Variants in PCDH15 observed in about 807,000 individuals in gnomAD.
The protein encoded by PCDH15 is protocadherin-15.
A neutral mutation model predicts 178.5 loss-of-function variants in PCDH15; 129 were observed. The observed-to-expected ratio is 0.72, with a 90% CI of 0.63 to 0.84. The LOEUF is 0.84. Ranked by LOEUF, PCDH15 falls within the 40% of genes least tolerant of loss-of-function variation. The pLI, the probability that PCDH15 is intolerant of heterozygous loss-of-function variation, is 0.00. For missense variants in PCDH15, 2,230 were observed against 2,099.9 expected (o/e 1.06, Z -1.21); for synonymous variants, 800 against 732.0 (o/e 1.09, Z -1.50).
At chr10:54,828,370 G>A (rs1953164740) in intron 3 of PCDH15, among the ~76,000 whole-genome samples, 1 of 151,852 alleles carries the variant, frequency 6.6e-6, no homozygotes, top group Non-Finnish European at 1.5e-5. Flanking sequence ...GTAAAATCAA[G>A]CTTTTTTATT....
chr10:54,138,691 A>T lies in PCDH15; in HGVS notation c.1785-5684T>A, dbSNP rs1441502071. 2.0e-5 allele frequency among the ~76,000 whole-genome samples: 3 copies of T among 152,100 alleles called. No individual in the cohort carries two copies. The East Asian group carries it at 5.8e-4, about 29-fold the overall frequency. On this transcript the variant is annotated intron_variant, in intron 14 of 37. Transcript: ENST00000644397. ...TGTTCTTTGGAGTCTGGGGAGGTTT[A>T]GCCTTTAAAAAGCAAATTGCCATGA...
chr10:55,217,429 A>G (rs911966129), intron 1 of PCDH15, among the ~76,000 whole-genome samples: 4 of 151,840 alleles, frequency 2.6e-5, no homozygotes, highest in African/African-American at 9.7e-5. Flanking sequence ...AAACCTTCGT[A>G]TTTTTATGTT....
At chr10:53,996,621 C>G (rs759970085) in intron 20 of PCDH15, among the ~76,000 whole-genome samples, 47 of 152,100 alleles carry the variant, frequency 3.1e-4, no homozygotes, top group Non-Finnish European at 2.8e-4. Context: ...CTAAATTAAT[C>G]TACTTATCAG....
intron 1 of PCDH15, among the ~76,000 whole-genome samples, chr10:54,761,683 AAAAAC>A (rs71014416): frequency 0.085 from 12,790 of 149,764 alleles, 618 homozygotes; most frequent in South Asian, 0.13. Context: ...ACTCTGTCTC[AAAAAC>A]AAAACAAAAC....
At chr10:55,142,762 C>A (rs1276155113) in intron 2 of PCDH15, among the ~76,000 whole-genome samples, 1 of 151,442 alleles carries the variant, frequency 6.6e-6, no homozygotes, top group African/African-American at 2.4e-5. Context: ...TCTTATTTTT[C>A]AACCCTCTGA....
intron 2 of PCDH15, among the ~76,000 whole-genome samples, chr10:54,950,242 C>A (rs1237164699): frequency 1.3e-5 from 2 of 151,932 alleles, no homozygotes; most frequent in Non-Finnish European, 2.9e-5. Context: ...AAGGGGGAAG[C>A]AAGGCATCTT....
intron 2 of PCDH15, among the ~76,000 whole-genome samples, chr10:55,140,633 A>C (rs6481144): frequency 0.89 from 135,068 of 151,938 alleles, 61,046 homozygotes; most frequent in Non-Finnish European, 0.97. Flanking sequence ...CTTATTCATT[A>C]AATGAAATTG....
chr10:53,825,223 A>G (rs1356725848), intron 32 of PCDH15: 2 of 1,438,126 alleles, frequency 1.4e-6, no homozygotes, highest in Non-Finnish European at 1.8e-6. Flanking sequence ...AACAATTCTG[A>G]AAATATGAGC....
intron 13 of PCDH15, among the ~76,000 whole-genome samples, chr10:54,178,823 A>G (rs931646641): frequency 1.4e-4 from 21 of 152,202 alleles, no homozygotes; most frequent in Admixed American, 2.0e-4. Context: ...AAAAATGCTC[A>G]TCATCACTGG....
intron 3 of PCDH15, among the ~76,000 whole-genome samples, chr10:54,484,703 T>TA (rs2078975392): frequency 6.6e-6 from 1 of 151,562 alleles, no homozygotes; most frequent in Admixed American, 6.6e-5. Flanking sequence ...TTAAAATCAA[T>TA]AAAAAAGTAT....
chr10:54,930,871 A>G, intron 2 of PCDH15, among the ~76,000 whole-genome samples: 1 of 152,296 alleles, frequency 6.6e-6, no homozygotes, highest in Non-Finnish European at 1.5e-5. Flanking sequence ...GACATACGTA[A>G]TCAATTACAT....
rs577984918 is a variant in PCDH15, at chr10:53,958,745, C to G, written c.3122+987G>C. Among the ~76,000 whole-genome samples the G allele has an allele frequency of 3.8e-3, 574 of 152,146 alleles. 1 individual carries two copies. Among genetic ancestry groups the G allele is most frequent in the Non-Finnish European group, 5.5e-3 (373 of 67,988 alleles). ...CCTGTAATCCCAGCACTTTGGGAGG[C>G]TGAGGCAGGTGGATCAGGAGGTCAG... On this transcript the variant is annotated intron_variant, in intron 23 of 37. Transcript: ENST00000644397.
chr10:54,790,986 C>G (rs766147559), intron 1 of PCDH15, among the ~76,000 whole-genome samples: 1 of 151,758 alleles, frequency 6.6e-6, no homozygotes, highest in Non-Finnish European at 1.5e-5. Context: ...TTAAGACCCA[C>G]AAACAAAAAT....
intron 2 of PCDH15, among the ~76,000 whole-genome samples, chr10:54,564,153 C>T (rs562316579): frequency 1.3e-5 from 2 of 152,084 alleles, no homozygotes; most frequent in African/African-American, 2.4e-5. Flanking sequence ...ACTGAATCCA[C>T]CAAAATTATC....
chr10:54,594,950 C>A (rs2092129176), intron 2 of PCDH15, among the ~76,000 whole-genome samples: 1 of 152,182 alleles, frequency 6.6e-6, no homozygotes, highest in South Asian at 2.1e-4. Flanking sequence ...CAAGAATGCT[C>A]ACAGAGGGTG....
intron 1 of PCDH15, among the ~76,000 whole-genome samples, chr10:54,722,579 C>G (rs56409836): frequency 0.14 from 17,798 of 131,614 alleles, 1,204 homozygotes; most frequent in African/African-American, 0.19. Flanking sequence ...CAATTGGGAC[C>G]AAAAAAAAAA....
intron 2 of PCDH15, among the ~76,000 whole-genome samples, chr10:55,432,074 A>G (rs917032777): frequency 1.9e-5 from 2 of 105,360 alleles, no homozygotes; most frequent in Admixed American, 1.0e-4. Context: ...AGGCAGAGCT[A>G]TCATTTAAAC....
chr10:54,166,188 T>C (rs991220772), intron 13 of PCDH15, among the ~76,000 whole-genome samples: 6 of 152,228 alleles, frequency 3.9e-5, no homozygotes, highest in African/African-American at 1.4e-4. Context: ...CCTATCTGAG[T>C]ACTCTAACAG....
At chr10:54,849,517 C>G (rs544204568) in intron 3 of PCDH15, among the ~76,000 whole-genome samples, 1 of 152,274 alleles carries the variant, frequency 6.6e-6, no homozygotes, top group South Asian at 2.1e-4. Flanking sequence ...CTTTGTCACT[C>G]GGCTCGACTA....
Sources: allele counts gnomAD v4.1 joint callset (sites outside exome capture counted in the v4.1 genomes callset), GRCh38; gene constraint gnomAD v4.1.1; transcripts MANE v1.5; gene names NCBI Gene and HGNC (gene_info 2026-07-23, HGNC 2026-07-21).